The following SSH2 variants were observed in gnomAD, a reference collection of about 807,000 sequenced individuals.
SSH2 encodes the protein protein phosphatase Slingshot homolog 2.
In SSH2, 37 loss-of-function variants were observed where a neutral mutation model predicts 135.2. The ratio of observed to expected loss-of-function variants is 0.27; its 90% confidence interval spans 0.21 to 0.36. SSH2 has a LOEUF of 0.36. Ranked by LOEUF, SSH2 falls within the 10% of genes least tolerant of loss-of-function variation. The probability of loss-of-function intolerance (pLI) is 1.00; values close to 1 mark genes in which losing one functional copy is unlikely to be tolerated. For missense variants in SSH2, 1,408 were observed against 1,765.3 expected (o/e 0.80, Z 3.63); for synonymous variants, 628 against 646.2 (o/e 0.97, Z 0.43).
chr17:29,808,512 T>G (rs553132944), intron 2 of SSH2, among the ~76,000 whole-genome samples: 1 of 152,352 alleles, frequency 6.6e-6, no homozygotes, highest in East Asian at 1.9e-4. Context: ...CATGTGCTTA[T>G]ATGTGGTAGG....
In SSH2 at chr17:29,629,254, G is replaced by A. The variant is rs1437627716; in HGVS notation, c.*1587C>T. 1.3e-5 allele frequency: 2 copies of A among 152,690 alleles called. No individual in the cohort carries two copies. Among genetic ancestry groups the A allele is most frequent in the Non-Finnish European group, 2.9e-5 (2 of 68,064 alleles). 9.5% of individuals were successfully genotyped at this position (152,690 alleles called of 1,614,324 possible). ...GGAGTCACTGTGGGCACTTGCCCCT[G>A]GCTGAGGCCTCCCCTGTGGCCTTCA... On this transcript the variant is annotated 3_prime_UTR_variant, in exon 16 of 16. Transcript: ENST00000540801.
At chr17:29,681,122 C>G (rs944613330) in intron 6 of SSH2, among the ~76,000 whole-genome samples, 1 of 151,420 alleles carries the variant, frequency 6.6e-6, no homozygotes, top group Non-Finnish European at 1.5e-5. Flanking sequence ...GGGCGGATCA[C>G]GAGGTCGAGA....
chr17:29,884,526 G>T (rs2066198282), intron 1 of SSH2, among the ~76,000 whole-genome samples: 4 of 152,084 alleles, frequency 2.6e-5, no homozygotes, highest in African/African-American at 9.7e-5. Flanking sequence ...TTCATCACTG[G>T]TCTTCTTGGA....
chr17:29,760,954 A>C, intron 3 of SSH2: 1 of 404,842 alleles, frequency 2.5e-6, no homozygotes, highest in Non-Finnish European at 4.3e-6. Context: ...ACCCCGGGAC[A>C]CTTTCCGCCT....
Position 29,650,656 on chromosome 17 carries a change from T to C in SSH2, c.1224A>G (p.Ala408=), listed in dbSNP as rs760570774. Residue 408 remains alanine, a splice_region_variant and synonymous_variant, in exon 13 of 16, where the codon GCA becomes GCG. Coordinates refer to ENST00000540801, the MANE Select transcript of SSH2 (RefSeq NM_001282129.2). The stretch of plus-strand genomic sequence containing the variant: ...CATTGTGCAGGACTATTACTCACTT[T>C]GCTTTAGAGATGAATTTGTAAGTGT... The part of the protein sequence containing the change: ...WNDTYKFISK[A]KKHGSKCLVH... The C allele has an allele frequency of 6.2e-6, 10 of 1,612,862 alleles. No homozygotes were observed. The highest frequency in any genetic ancestry group is 2.2e-5 in the East Asian group (1 of 44,842).
intron 11 of SSH2, among the ~76,000 whole-genome samples, chr17:29,662,032 G>A (rs185363068): frequency 2.0e-5 from 3 of 152,050 alleles, no homozygotes; most frequent in South Asian, 2.1e-4. Context: ...TTTCCCCCCC[G>A]CCCATGCTTC....
intron 1 of SSH2, among the ~76,000 whole-genome samples, chr17:29,921,996 G>A (rs2066984772): frequency 6.6e-6 from 1 of 152,294 alleles, no homozygotes; most frequent in Non-Finnish European, 1.5e-5. Context: ...GTGCTATGCT[G>A]TGCGTAGAAG....
intron 12 of SSH2, among the ~76,000 whole-genome samples, chr17:29,653,717 G>C (rs1314840459): frequency 6.6e-6 from 1 of 152,070 alleles, no homozygotes; most frequent in Non-Finnish European, 1.5e-5. Context: ...CACCTGAGTA[G>C]CTGGGATTAC....
At chr17:29,751,484 T>C (rs2040940030) in intron 3 of SSH2, among the ~76,000 whole-genome samples, 1 of 152,068 alleles carries the variant, frequency 6.6e-6, no homozygotes, top group Non-Finnish European at 1.5e-5. Flanking sequence ...TTCAATACAG[T>C]AAATACATAA....
At chr17:29,738,555 A>T (rs2729455) in intron 3 of SSH2, among the ~76,000 whole-genome samples, 2,748 of 145,562 alleles carry the variant, frequency 0.019, 92 homozygotes, top group Non-Finnish European at 0.026. Flanking sequence ...TTTTTATTTT[A>T]TTTTATTTTT....
chr17:29,874,596 A>G (rs1369320595), intron 1 of SSH2, among the ~76,000 whole-genome samples: 2 of 152,118 alleles, frequency 1.3e-5, no homozygotes, highest in Non-Finnish European at 2.9e-5. Context: ...CATCTTGTAA[A>G]GAAGGTGCCT....
At chr17:29,691,501 T>C (rs2038472263) in intron 5 of SSH2, among the ~76,000 whole-genome samples, 1 of 151,968 alleles carries the variant, frequency 6.6e-6, no homozygotes, top group Non-Finnish European at 1.5e-5. Context: ...CTCTCTTTTT[T>C]TTTTTTTGAG....
intron 1 of SSH2, among the ~76,000 whole-genome samples, chr17:29,896,821 T>C (rs985611253): frequency 6.6e-6 from 1 of 151,852 alleles, no homozygotes; most frequent in Non-Finnish European, 1.5e-5. Flanking sequence ...TCCAGAACTG[T>C]CTTATTTTAG....
intron 2 of SSH2, among the ~76,000 whole-genome samples, chr17:29,812,096 T>C (rs917898835): frequency 6.6e-6 from 1 of 151,322 alleles, no homozygotes; most frequent in Non-Finnish European, 1.5e-5. Flanking sequence ...CATTAAACTG[T>C]GAACCTTTTG....
intron 3 of SSH2, among the ~76,000 whole-genome samples, chr17:29,731,900 A>T (rs986669631): frequency 2.6e-5 from 4 of 152,110 alleles, no homozygotes; most frequent in African/African-American, 9.7e-5. Flanking sequence ...TTTTTTCTGC[A>T]GATAGAATCC....
intron 1 of SSH2, among the ~76,000 whole-genome samples, chr17:29,910,113 T>G (rs1599179753): frequency 6.6e-6 from 1 of 152,256 alleles, no homozygotes; most frequent in East Asian, 1.9e-4. Context: ...AATTGGTTAA[T>G]TTTTTTATTT....
At chr17:29,823,682 C>T (rs1383075633) in intron 2 of SSH2, among the ~76,000 whole-genome samples, 3 of 152,004 alleles carry the variant, frequency 2.0e-5, no homozygotes, top group Non-Finnish European at 2.9e-5. Context: ...GGTTCCAGAC[C>T]AGCCTGGCCA....
At chr17:29,733,459 T>C (rs1485853575) in intron 3 of SSH2, among the ~76,000 whole-genome samples, 2 of 152,262 alleles carry the variant, frequency 1.3e-5, no homozygotes, top group Non-Finnish European at 2.9e-5. Context: ...GTTGCAATTA[T>C]GAAATTTCTT....
chr17:29,766,270 G>T (rs891766447), intron 3 of SSH2, among the ~76,000 whole-genome samples: 1 of 151,788 alleles, frequency 6.6e-6, no homozygotes, highest in African/African-American at 2.4e-5. Context: ...GGAGGCAGGA[G>T]AATTGCTTGA....
Sources: gnomAD v4.1 joint callset for allele counts (sites outside exome capture counted in the v4.1 genomes callset) on GRCh38, gnomAD v4.1.1 for gene constraint, MANE v1.5 for transcripts, NCBI Gene and HGNC (gene_info 2026-07-23, HGNC 2026-07-21) for gene names.